Variants in FNBP1 observed in about 807,000 individuals in gnomAD.
FNBP1 encodes formin binding protein 1.
FNBP1 carries 26 observed loss-of-function variants against 90.6 expected under a neutral mutation model. The observed-to-expected ratio is 0.29, with a 90% CI of 0.21 to 0.40. The LOEUF (loss-of-function observed/expected upper bound fraction) is 0.40. FNBP1 is among the 10% of genes least tolerant of loss of function. The pLI is 1.00. For missense variants in FNBP1, 635 were observed against 768.0 expected, an observed-to-expected ratio of 0.83 and a Z score of 2.05; for synonymous variants, 260 against 265.2, an observed-to-expected ratio of 0.98 and a Z score of 0.19.
intron 1 of FNBP1, among the ~76,000 whole-genome samples, chr9:130,016,436 A>G (rs2057246626): frequency 1.3e-5 from 2 of 152,118 alleles, no homozygotes; most frequent in Admixed American, 1.3e-4. Flanking sequence ...CTACCAATCT[A>G]GATGTCCTTT....
intron 2 of FNBP1, among the ~76,000 whole-genome samples, chr9:129,992,351 C>T (rs1239624524): frequency 6.6e-6 from 1 of 152,092 alleles, no homozygotes; most frequent in African/African-American, 2.4e-5. Flanking sequence ...AAGCCCCTGA[C>T]GTGTTGACGA....
At chr9:129,979,994 A>G (rs914785812) in intron 2 of FNBP1, among the ~76,000 whole-genome samples, 1 of 151,478 alleles carries the variant, frequency 6.6e-6, no homozygotes, top group African/African-American at 2.4e-5. Flanking sequence ...TCAGGCCACC[A>G]TTCTCTCGTG....
In FNBP1 at chr9:129,975,718, A is replaced by T. The variant is rs182074208; in HGVS notation, c.345+2747T>A. 7.9e-5 allele frequency among the ~76,000 whole-genome samples: 12 copies of T among 152,188 alleles called. No homozygotes were observed. In the East Asian group the frequency reaches 2.3e-3, roughly 29 times the overall value. Reference sequence around the variant, plus strand: ...GGAGTGCGAGACCAGCCTGGCCAACATGGTGAAACCCTATCTCTACCAAAA... The same window carrying T: ...GGAGTGCGAGACCAGCCTGGCCAACTTGGTGAAACCCTATCTCTACCAAAA... On this transcript the variant is annotated intron_variant, in intron 4 of 16. Transcript: ENST00000446176.
At chr9:129,982,684 C>T (rs2051455256) in intron 2 of FNBP1, among the ~76,000 whole-genome samples, 1 of 151,918 alleles carries the variant, frequency 6.6e-6, no homozygotes, top group Admixed American at 6.6e-5. Context: ...TTTTTAGAGA[C>T]AGGGTCTTGT....
intron 6 of FNBP1, among the ~76,000 whole-genome samples, chr9:129,950,940 C>T (rs913394991): frequency 6.7e-6 from 1 of 148,910 alleles, no homozygotes; most frequent in Admixed American, 6.8e-5. Context: ...ATTACAGGTG[C>T]AAACCATCAC....
chr9:129,902,753 G>C (rs2037196583), intron 13 of FNBP1, 116 bp downstream of exon 13: 1 of 991,112 alleles, frequency 1.0e-6, no homozygotes. Flanking sequence ...GAAACAGCCT[G>C]CCATTCCCAC....
At chr9:129,946,578 A>C (rs1236086643) in intron 6 of FNBP1, among the ~76,000 whole-genome samples, 2 of 152,232 alleles carry the variant, frequency 1.3e-5, no homozygotes, top group Non-Finnish European at 2.9e-5. Context: ...TTTGGTGGAA[A>C]ACATCGGCTC....
intron 4 of FNBP1, among the ~76,000 whole-genome samples, chr9:129,963,616 C>A (rs1162836769): frequency 8.7e-6 from 1 of 115,306 alleles, no homozygotes; most frequent in South Asian, 3.1e-4. Flanking sequence ...TCCTTCCAGC[C>A]TTTTTTTTTT....
At chr9:130,007,517 T>C (rs2055936046) in intron 1 of FNBP1, among the ~76,000 whole-genome samples, 1 of 152,120 alleles carries the variant, frequency 6.6e-6, no homozygotes, top group Non-Finnish European at 1.5e-5. Flanking sequence ...TGCTAGAGTC[T>C]GAGCAGATGA....
chr9:129,992,447 T>C (rs1474067749), intron 2 of FNBP1, among the ~76,000 whole-genome samples: 1 of 152,110 alleles, frequency 6.6e-6, no homozygotes, highest in Non-Finnish European at 1.5e-5. Flanking sequence ...TTACATGTTA[T>C]TCACTCAATA....
At chr9:129,935,953 A>G (rs2043383423) in intron 6 of FNBP1, among the ~76,000 whole-genome samples, 1 of 37,196 alleles carries the variant, frequency 2.7e-5, no homozygotes, top group South Asian at 6.8e-4. Flanking sequence ...TGTTCCTTAA[A>G]TGATAAACTA....
Position 130,042,118 on chromosome 9 carries a change from C to T in FNBP1, c.24+834G>A, listed in dbSNP as rs889939499. 6.6e-6 allele frequency among the ~76,000 whole-genome samples: 1 copy of T among 151,986 alleles called. No individual in the cohort carries two copies. Among genetic ancestry groups the T allele is most frequent in the Non-Finnish European group, 1.5e-5 (1 of 67,972 alleles). ...AGCCAGCCCCTCGCCTTTCCGGGGACGGCCCTCAGCCCTGAGGGCTGCCCG... is the reference window on the plus strand; with the variant it reads ...AGCCAGCCCCTCGCCTTTCCGGGGATGGCCCTCAGCCCTGAGGGCTGCCCG... On this transcript the variant is annotated intron_variant, in intron 1 of 16. Transcript: ENST00000446176. The surrounding 1 kb of genome is among the most constrained non-coding windows in gnomAD (Gnocchi z 5.5).
rs1291410117 is a variant in FNBP1, at chr9:130,042,614, C to T, written c.24+338G>A. 1.3e-5 allele frequency among the ~76,000 whole-genome samples: 2 copies of T among 151,752 alleles called. No homozygotes were observed. Among genetic ancestry groups the T allele is most frequent in the African/African-American group, 2.4e-5 (1 of 41,396 alleles). ...CCCCACGCCCGGTCCCGGCCCTCCC[C>T]GGGCATCCGCGGCTCGCCCCGGGGG... On this transcript the variant is annotated intron_variant, in intron 1 of 16. Transcript: ENST00000446176. The surrounding 1 kb of genome is among the most constrained non-coding windows in gnomAD (Gnocchi z 5.5).
rs35785998 is a variant in FNBP1, at chr9:129,890,398, G to GGAGA, written c.*137_*140dup. 1.4e-4 allele frequency: 79 copies of GGAGA among 557,596 alleles called. No homozygotes were observed. Among genetic ancestry groups the GGAGA allele is most frequent in the Middle Eastern group, 4.7e-4 (1 of 2,138 alleles). 34.5% of individuals were successfully genotyped at this position (557,596 alleles called of 1,614,324 possible). ...AGGGCAGGGCCGCAGGGAGCATGCT[G>GGAGA]GAGAGAGAGAGAGACCGCCCCGCAG... On this transcript the variant is annotated 3_prime_UTR_variant, in exon 17 of 17. Coordinates refer to ENST00000446176, the MANE Select transcript of FNBP1 (RefSeq NM_015033.3). This position sits in a 1 kb window ranked among gnomAD's most constrained non-coding sequence, Gnocchi z 5.8.
chr9:129,950,973 T>A (rs2046071303), intron 6 of FNBP1, among the ~76,000 whole-genome samples: 1 of 144,544 alleles, frequency 6.9e-6, no homozygotes. Flanking sequence ...TTTAATTTTT[T>A]TTTTTTTTTT....
chr9:129,893,612 CA>C (rs1216398298), intron 16 of FNBP1, among the ~76,000 whole-genome samples: 1 of 22,314 alleles, frequency 4.5e-5, no homozygotes, highest in Non-Finnish European at 8.1e-5. Flanking sequence ...GACTCTGTCT[CA>C]AAAAAAAAAA....
chr9:130,030,347 A>C (rs897717188), intron 1 of FNBP1, among the ~76,000 whole-genome samples: 2 of 151,786 alleles, frequency 1.3e-5, no homozygotes, highest in African/African-American at 4.8e-5. Flanking sequence ...AGGCAGGAGA[A>C]TCTCTTGAAA....
intron 1 of FNBP1, among the ~76,000 whole-genome samples, chr9:130,040,990 T>C (rs1230547348): frequency 6.7e-6 from 1 of 149,518 alleles, no homozygotes; most frequent in Non-Finnish European, 1.5e-5. Flanking sequence ...TTTTTCTTTT[T>C]TCTTTTTTCT....
chr9:129,950,126 GC>G, intron 6 of FNBP1, among the ~76,000 whole-genome samples: 1 of 152,326 alleles, frequency 6.6e-6, no homozygotes, highest in South Asian at 2.1e-4. Flanking sequence ...AACTAAAACT[GC>G]CTCCAGTTAG....
Sources: allele counts gnomAD v4.1 joint callset (sites outside exome capture counted in the v4.1 genomes callset), GRCh38; gene constraint gnomAD v4.1.1; non-coding constraint Gnocchi (gnomAD v3.1); transcripts MANE v1.5; gene names NCBI Gene and HGNC (gene_info 2026-07-23, HGNC 2026-07-21).